Variants in HSD11B1L observed in about 807,000 individuals in gnomAD.
The protein encoded by HSD11B1L is hydroxysteroid 11-beta-dehydrogenase 1-like protein.
HSD11B1L carries 22 observed loss-of-function variants against 27.0 expected under a neutral mutation model. The ratio of observed to expected loss-of-function variants is 0.81; its 90% CI spans 0.58 to 1.16. The LOEUF (loss-of-function observed/expected upper bound fraction) is 1.16, where lower values mean the gene tolerates loss of function less well. Among genes scored for constraint, HSD11B1L ranks in the 50% most tolerant of loss-of-function variants. The pLI, the probability that HSD11B1L is intolerant of heterozygous loss-of-function variation, is 0.00. For missense variants in HSD11B1L, 372 were observed against 401.8 expected (o/e 0.93, Z 0.63); for synonymous variants, 187 against 189.2 (o/e 0.99, Z 0.09).
At position 5,687,230 on chromosome 19, in the gene HSD11B1L, G is replaced by A; in HGVS notation, c.409-52G>A. ...CCCCGCCCTCTGGGTTTCTGGCCCC[G>A]CCCTGCCCCTGGGCTCCGCCTCTGC... is the stretch of plus-strand genomic sequence containing the variant. On this transcript the variant is annotated intron_variant, in intron 5 of 7. Coordinates refer to ENST00000339423, the MANE Select transcript of HSD11B1L (RefSeq NM_198706.3). This position sits in a 1 kb window ranked among gnomAD's most constrained non-coding sequence, Gnocchi z 6.6. The A allele has an allele frequency of 6.3e-7, 1 of 1,585,380 alleles. No homozygotes were observed. The highest frequency in any genetic ancestry group is 8.6e-7 in the Non-Finnish European group (1 of 1,162,396).
chr19:5,686,713 T>G (rs948437513), intron 4 of HSD11B1L, among the ~76,000 whole-genome samples, 186 bp downstream of exon 4: 1 of 152,138 alleles, frequency 6.6e-6, no homozygotes, highest in African/African-American at 2.4e-5. Context: ...CGGGGCCTCG[T>G]TGAATGGGAA....
At position 5,687,543 on chromosome 19, in the gene HSD11B1L, C is replaced by T; in HGVS notation, c.543C>T (p.Ala181=). The T allele has an allele frequency of 1.9e-6, 3 of 1,599,868 alleles. No homozygotes were observed. Among genetic ancestry groups the T allele is most frequent in the Non-Finnish European group, 2.5e-6 (3 of 1,179,488 alleles). The change falls in exon 7 of 8, where the codon GCC becomes GCT. Residue 181 remains alanine, a synonymous_variant. Transcript: ENST00000339423. This position sits in a 1 kb window ranked among gnomAD's most constrained non-coding sequence, Gnocchi z 6.6. The part of the protein sequence containing the change: ...PTSFSTPYSA[A]KFALDGFFGS... ...CGTTCTCCACTCCCTACTCGGCGGC[C>T]AAGTTTGCGCTGGACGGCTTCTTCG...
Position 5,687,830 on chromosome 19 carries a change from C to T in HSD11B1L, c.746C>T (p.Ala249Val). Reference sequence around the variant, plus strand: ...ATCCGCGGCGGCGCCACGCGCGCGGCCGGCGTCTTCTACCCGTGGCGTTTC... The same window carrying T: ...ATCCGCGGCGGCGCCACGCGCGCGGTCGGCGTCTTCTACCCGTGGCGTTTC... ...AVIRGGATRAAGVFYPWRFRL... is the reference protein window; with the variant it reads ...AVIRGGATRAVGVFYPWRFRL... The change falls in exon 8 of 8, where the codon GCC (alanine) becomes GTC (valine). Residue 249 changes from alanine to valine, a missense_variant. By Grantham distance (64) the Ala-to-Val change is moderately conservative. Transcript: ENST00000339423. This position sits in a 1 kb window ranked among gnomAD's most constrained non-coding sequence, Gnocchi z 6.6. 1 of 1,555,470 alleles carries T rather than the reference C, an allele frequency of 6.4e-7. No individual in the cohort carries two copies. Among genetic ancestry groups the T allele is most frequent in the Non-Finnish European group, 8.7e-7 (1 of 1,152,338 alleles).
chr19:5,682,810 CTTT>C (rs5826895), intron 1 of HSD11B1L, among the ~76,000 whole-genome samples: 1,563 of 95,254 alleles, frequency 0.016, 14 homozygotes, highest in Non-Finnish European at 0.02. Flanking sequence ...GTCCCATTGA[CTTT>C]TTTTTTTTTT....
intron 1 of HSD11B1L, chr19:5,684,252 G>A: frequency 2.9e-6 from 1 of 339,890 alleles, no homozygotes; most frequent in Non-Finnish European, 5.3e-6. Context: ...CTGATCTCAA[G>A]TGATTTGCCC....
At chr19:5,682,186 AGT>A (rs2145536525) in intron 1 of HSD11B1L, among the ~76,000 whole-genome samples, 1 of 152,344 alleles carries the variant, frequency 6.6e-6, no homozygotes, top group South Asian at 2.1e-4. Flanking sequence ...CATCAGTTGC[AGT>A]GGGGACCCCT....
At position 5,685,315 on chromosome 19, in the gene HSD11B1L, C is replaced by A; in HGVS notation, c.204+196C>A. 1.3e-6 allele frequency: 1 copy of A among 764,382 alleles called. No homozygotes were observed. Among genetic ancestry groups the A allele is most frequent in the Non-Finnish European group, 2.2e-6 (1 of 445,488 alleles). 47.3% of individuals were successfully genotyped at this position (764,382 alleles called of 1,614,324 possible). A position where few individuals can be genotyped will look rare whatever the true frequency, so the allele number is the denominator to read the frequency against. On this transcript the variant is annotated intron_variant, in intron 3 of 7. Transcript: ENST00000339423. This position sits in a 1 kb window ranked among gnomAD's most constrained non-coding sequence, Gnocchi z 4.3. Reference sequence around the variant, plus strand: ...CTTTCTGGCCAGGCACGGTGGCTCACGCTTGTAGTCAGCACTTTGGGAGGC... The same window carrying A: ...CTTTCTGGCCAGGCACGGTGGCTCAAGCTTGTAGTCAGCACTTTGGGAGGC...
In HSD11B1L at chr19:5,687,734, C is replaced by A; in HGVS notation, c.669-19C>A. 2 of 1,494,790 alleles carry A rather than the reference C, an allele frequency of 1.3e-6. No individual in the cohort carries two copies. The highest frequency in any genetic ancestry group is 1.3e-5 in the South Asian group (1 of 76,094). The allele number at this position is 1,494,790 out of a possible 1,614,324, so 92.6% of individuals were successfully genotyped here. On this transcript the variant is annotated intron_variant, in intron 7 of 7. Transcript: ENST00000339423. This position sits in a 1 kb window ranked among gnomAD's most constrained non-coding sequence, Gnocchi z 6.6. ...GCCCAGCCCCAGCCGCAGTCCCCAC[C>A]GTGCCCTCCTGTCCCCAGGGGAGTC...
At position 5,685,210 on chromosome 19, in the gene HSD11B1L, C is replaced by T. The variant is rs2054657507; in HGVS notation, c.204+91C>T. The T allele has an allele frequency of 6.8e-7, 1 of 1,474,750 alleles. No individual in the cohort carries two copies. Among genetic ancestry groups the T allele is most frequent in the Non-Finnish European group, 9.2e-7 (1 of 1,091,376 alleles). The allele number at this position is 1,474,750 out of a possible 1,614,324, so 91.4% of individuals were successfully genotyped here. On this transcript the variant is annotated intron_variant, in intron 3 of 7. Transcript: ENST00000339423. This position sits in a 1 kb window ranked among gnomAD's most constrained non-coding sequence, Gnocchi z 4.3. The stretch of plus-strand genomic sequence containing the variant: ...TTAATCCCTGCAATGATCCAGGCTT[C>T]CCGTGTGACCTTGGGCAAGTCGCCT...
rs560575101 is a variant in HSD11B1L, at chr19:5,681,094, G to C, written c.-192G>C. The C allele has an allele frequency of 6.6e-6, 1 of 152,604 alleles. No homozygotes were observed. Among genetic ancestry groups the C allele is most frequent in the East Asian group, 1.9e-4 (1 of 5,164 alleles). The allele number at this position is 152,604 out of a possible 1,614,324, so 9.5% of individuals were successfully genotyped here. A position where few individuals can be genotyped will look rare whatever the true frequency, so the allele number is the denominator to read the frequency against. On this transcript the variant is annotated 5_prime_UTR_variant, in exon 1 of 8. Transcript: ENST00000339423. ...CTCCGGCGCTGGGTCCCCGAGGCCCGGCCCCTCCCCGGGAGGAGGTGGGCT... is the reference window on the plus strand; with the variant it reads ...CTCCGGCGCTGGGTCCCCGAGGCCCCGCCCCTCCCCGGGAGGAGGTGGGCT...
At chr19:5,684,045 G>A (rs1208177186) in intron 1 of HSD11B1L, 3 of 483,724 alleles carry the variant, frequency 6.2e-6, no homozygotes, top group Admixed American at 3.4e-5. Context: ...GGCAAATCTC[G>A]GCACACTACA....
At chr19:5,686,277 G>T in intron 3 of HSD11B1L, 139 bp from the exon 4 acceptor site, 1 of 609,768 alleles carries the variant, frequency 1.6e-6, no homozygotes, top group Admixed American at 3.5e-5. Flanking sequence ...TAAATTTTTG[G>T]GAATGATGTT....
rs1313764738 is a variant in HSD11B1L, at chr19:5,687,941, C to G, written c.857C>G (p.Ala286Gly). ...RQELNVTAAA[A>G] ...GAGCTCAACGTCACGGCCGCGGCAGCCTGAGCACCGGGGGGTGCCCCTCCA... is the reference window on the plus strand; with the variant it reads ...GAGCTCAACGTCACGGCCGCGGCAGGCTGAGCACCGGGGGGTGCCCCTCCA... The change falls in exon 8 of 8, where the codon GCC becomes GGC. Residue 286 changes from alanine (A) to glycine (G), a missense_variant. Coordinates refer to ENST00000339423, the MANE Select transcript of HSD11B1L (RefSeq NM_198706.3). The surrounding 1 kb of genome is among the most constrained non-coding windows in gnomAD (Gnocchi z 6.6). 1 of 1,560,728 alleles carries G rather than the reference C, an allele frequency of 6.4e-7. No homozygotes were observed. The highest frequency in any genetic ancestry group is 8.7e-7 in the Non-Finnish European group (1 of 1,152,076).
rs1405697916 is a variant in HSD11B1L at position 5,685,741 on chromosome 19, A to G, written c.204+622A>G. ...TGACAGAGCGATACTCCATCTCAAA[A>G]AAAAGAAAAAAAAAAATTAGGGCAT... On this transcript the variant is annotated intron_variant, in intron 3 of 7. Transcript: ENST00000339423. The surrounding 1 kb of genome is among the most constrained non-coding windows in gnomAD (Gnocchi z 4.3). Among the ~76,000 whole-genome samples the G allele has an allele frequency of 7.3e-6, 1 of 137,092 alleles. No homozygotes were observed. Among genetic ancestry groups the G allele is most frequent in the South Asian group, 2.3e-4 (1 of 4,286 alleles). The allele number at this position is 137,092 out of a possible 152,430, so 89.9% of individuals were successfully genotyped here.
chr19:5,685,429 A>G lies in HSD11B1L; in HGVS notation c.204+310A>G. ...GGTCTCTACTAAGAAGACAAAAATT[A>G]GGCCAGGCATGGTGGCTCATGCCTG... On this transcript the variant is annotated intron_variant, in intron 3 of 7. Coordinates refer to ENST00000339423, the MANE Select transcript of HSD11B1L (RefSeq NM_198706.3). This position sits in a 1 kb window ranked among gnomAD's most constrained non-coding sequence, Gnocchi z 4.3. 2.2e-6 allele frequency: 1 copy of G among 448,226 alleles called. No individual in the cohort carries two copies. Among genetic ancestry groups the G allele is most frequent in the Non-Finnish European group, 4.3e-6 (1 of 233,346 alleles). 27.8% of individuals were successfully genotyped at this position (448,226 alleles called of 1,614,324 possible).
Position 5,685,324 on chromosome 19 carries a change from T to C in HSD11B1L, c.204+205T>C. 1 of 741,360 alleles carries C rather than the reference T, an allele frequency of 1.3e-6. No homozygotes were observed. Among genetic ancestry groups the C allele is most frequent in the Non-Finnish European group, 2.4e-6 (1 of 425,444 alleles). 45.9% of individuals were successfully genotyped at this position (741,360 alleles called of 1,614,324 possible). On this transcript the variant is annotated intron_variant, in intron 3 of 7. Coordinates refer to ENST00000339423, the MANE Select transcript of HSD11B1L (RefSeq NM_198706.3). The surrounding 1 kb of genome is among the most constrained non-coding windows in gnomAD (Gnocchi z 4.3). ...CAGGCACGGTGGCTCACGCTTGTAGTCAGCACTTTGGGAGGCCGAGGAAAG... is the reference window on the plus strand; with the variant it reads ...CAGGCACGGTGGCTCACGCTTGTAGCCAGCACTTTGGGAGGCCGAGGAAAG...
Position 5,687,246 on chromosome 19 carries a change from C to T in HSD11B1L, c.409-36C>T, listed in dbSNP as rs2054722479. On this transcript the variant is annotated intron_variant, in intron 5 of 7. Coordinates refer to ENST00000339423, the MANE Select transcript of HSD11B1L (RefSeq NM_198706.3). The surrounding 1 kb of genome is among the most constrained non-coding windows in gnomAD (Gnocchi z 6.6). ...TCTGGCCCCGCCCTGCCCCTGGGCT[C>T]CGCCTCTGCCGGTGACTCGCGAGTG... The T allele has an allele frequency of 1.2e-6, 2 of 1,606,048 alleles. No homozygotes were observed. The highest frequency in any genetic ancestry group is 1.7e-6 in the Non-Finnish European group (2 of 1,176,274).
chr19:5,686,791 G>A (rs1599427057), intron 4 of HSD11B1L, 109 bp from the exon 5 acceptor site: 2 of 911,348 alleles, frequency 2.2e-6, no homozygotes, highest in East Asian at 2.7e-5. Context: ...GGAGTTACCT[G>A]GGGCGGAGCT....
At position 5,687,891 on chromosome 19, in the gene HSD11B1L, C is replaced by G. The variant is rs759403823; in HGVS notation, c.807C>G (p.Arg269=). The change falls in exon 8 of 8, where the codon CGC becomes CGG. Residue 269 remains arginine, a synonymous_variant. Transcript: ENST00000339423. This position sits in a 1 kb window ranked among gnomAD's most constrained non-coding sequence, Gnocchi z 6.6. ...LLCLLRRWLP[R]PRAWFIRQEL... ...GCTTGCTCCGGCGCTGGCTACCGCG[C>G]CCGCGGGCCTGGTTTATCCGCCAGG... The G allele has an allele frequency of 6.3e-7, 1 of 1,579,778 alleles. No individual in the cohort carries two copies.
Sources: gnomAD v4.1 joint callset for allele counts (sites outside exome capture counted in the v4.1 genomes callset) on GRCh38, gnomAD v4.1.1 for gene constraint, Gnocchi (gnomAD v3.1) non-coding constraint, MANE v1.5 for transcripts, NCBI Gene and HGNC (gene_info 2026-07-23, HGNC 2026-07-21) for gene names.